NBPF4: variants seen among roughly 807,000 people sequenced by gnomAD.
NBPF4 encodes the protein NBPF family member NBPF4.
A neutral mutation model predicts 21.1 loss-of-function variants in NBPF4; 11 were observed. The observed-to-expected ratio is 0.52, with a 90% CI of 0.33 to 0.86. The LOEUF (loss-of-function observed/expected upper bound fraction) is 0.86, where lower values mean the gene tolerates loss of function less well. Among genes scored for constraint, NBPF4 ranks in the 40% least tolerant of loss-of-function variants. The pLI is 0.03. For missense variants in NBPF4, 88 were observed against 265.3 expected (o/e 0.33, Z 4.64); for synonymous variants, 47 against 106.4 (o/e 0.44, Z 3.43).
chr1:108,233,463 GCAAA>G (rs1649630597), intron 10 of NBPF4, among the ~76,000 whole-genome samples: 1 of 39,254 alleles, frequency 2.5e-5, no homozygotes, highest in African/African-American at 7.3e-5. Flanking sequence ...CTGATTTTGT[GCAAA>G]CAGTTATGCA....
chr1:108,222,663 G>T lies in NBPF4; in HGVS notation c.*1042C>A, dbSNP rs1423611826. On this transcript the variant is annotated 3_prime_UTR_variant, in exon 15 of 15. Transcript: ENST00000415641. ...GGGAATGATCTTTTTTACAAAGAAT[G>T]CCAGCAAAAGCAAGTATAAGGTAAG... Among the ~76,000 whole-genome samples, 1 of 152,140 alleles carries T rather than the reference G, an allele frequency of 6.6e-6. No homozygotes were observed. Among genetic ancestry groups the T allele is most frequent in the Non-Finnish European group, 1.5e-5 (1 of 68,020 alleles).
chr1:108,259,715 A>G, the NBPF4 span, among the ~76,000 whole-genome samples: 1 of 150,250 alleles, frequency 6.7e-6, no homozygotes, highest in Non-Finnish European at 1.5e-5. Context: ...TTCTTTTTTA[A>G]AAAAGATGAT....
the NBPF4 span, among the ~76,000 whole-genome samples, chr1:108,266,250 G>T: frequency 6.3e-5 from 9 of 143,188 alleles, no homozygotes; most frequent in African/African-American, 1.1e-4. Context: ...TGATATGGGG[G>T]ATTCATGTAC....
intron 13 of NBPF4, 90 bp downstream of exon 13, chr1:108,228,830 A>G: frequency 3.9e-6 from 3 of 777,950 alleles, no homozygotes; most frequent in Non-Finnish European, 6.4e-6. Context: ...CTGAGGAAGC[A>G]TGGGAGGCCC....
At chr1:108,234,841 C>T (rs1201331335) in intron 9 of NBPF4, among the ~76,000 whole-genome samples, 1 of 106,608 alleles carries the variant, frequency 9.4e-6, no homozygotes, top group Non-Finnish European at 1.8e-5. Flanking sequence ...AGTCCTCTTT[C>T]TCTCAATATT....
At chr1:108,223,971 CCCCACCTATG>C (rs1649397453) in intron 14 of NBPF4, among the ~76,000 whole-genome samples, 1 of 147,986 alleles carries the variant, frequency 6.8e-6, no homozygotes, top group African/African-American at 2.5e-5. Context: ...GATATAAGGA[CCCCACCTATG>C]CCCAACCAGC....
chr1:108,258,489 C>A, the NBPF4 span, among the ~76,000 whole-genome samples: 1 of 140,300 alleles, frequency 7.1e-6, no homozygotes, highest in Non-Finnish European at 1.5e-5. Flanking sequence ...CTGCTAGAAA[C>A]AAATGCTTTT....
Position 108,223,000 on chromosome 1 carries a change from G to A in NBPF4, c.*705C>T, listed in dbSNP as rs1190238972. On this transcript the variant is annotated 3_prime_UTR_variant, in exon 15 of 15. Transcript: ENST00000415641. ...GACTCTGCAGAGTTCCTGGCAAAATGTTTAGGCTGAATTTAATCATGACGA... is the reference window on the plus strand; with the variant it reads ...GACTCTGCAGAGTTCCTGGCAAAATATTTAGGCTGAATTTAATCATGACGA... 2.0e-5 allele frequency among the ~76,000 whole-genome samples: 3 copies of A among 152,078 alleles called. No individual in the cohort carries two copies. Among genetic ancestry groups the A allele is most frequent in the Non-Finnish European group, 4.4e-5 (3 of 68,030 alleles).
chr1:108,257,762 C>CT, the NBPF4 span, among the ~76,000 whole-genome samples: 11,409 of 55,192 alleles, frequency 0.21, 1,589 homozygotes, highest in Non-Finnish European at 0.26. Flanking sequence ...CTTTTCTTTT[C>CT]TTTTTTTTTT....
Position 108,229,084 on chromosome 1 carries a change from A to T in NBPF4, c.1496T>A (p.Val499Asp), listed in dbSNP as rs1277647255. 2 of 1,551,126 alleles carry T rather than the reference A, an allele frequency of 1.3e-6. No homozygotes were observed. Among genetic ancestry groups the T allele is most frequent in the Non-Finnish European group, 1.7e-6 (2 of 1,146,532 alleles). The change falls in exon 13 of 15, where the codon GTT (valine) becomes GAT (aspartate). Residue 499 changes from valine to aspartate, a missense_variant. Physicochemically the swap from Val to Asp is radical, Grantham distance 152. Coordinates refer to ENST00000415641, the MANE Select transcript of NBPF4 (RefSeq NM_001143989.3). ...GCTTGGTTCCAGCTGTGCCTGTGAA[A>T]CTTGCACCTCTGACTGGTGGTGGCT... ...DLSHHQSEVQ[V>D]SQAQLEPSTL...
At chr1:108,225,138 A>G (rs1179533815) in intron 14 of NBPF4, among the ~76,000 whole-genome samples, 2 of 132,262 alleles carry the variant, frequency 1.5e-5, no homozygotes, top group African/African-American at 5.4e-5. Context: ...TGTTAATATC[A>G]TGACTATTTC....
rs1649574762 is a variant in NBPF4 at position 108,229,046 on chromosome 1, T to C, written c.1534A>G (p.Ser512Gly). 1.3e-6 allele frequency: 2 copies of C among 1,550,798 alleles called. No homozygotes were observed. Among genetic ancestry groups the C allele is most frequent in the Non-Finnish European group, 1.7e-6 (2 of 1,146,426 alleles). Residue 512 changes from serine (S) to glycine (G), a missense_variant, in exon 13 of 15, where the codon AGT becomes GGT. Physicochemically the swap from Ser to Gly is moderately conservative, Grantham distance 56 (BLOSUM62 0). Coordinates refer to ENST00000415641, the MANE Select transcript of NBPF4 (RefSeq NM_001143989.3). ...AQLEPSTLVP[S>G]CLRLQLDQGF... ...TGATCCAGCTGTAGTCGCAGACAAC[T>C]GGGCACCAGGGTGCTTGGTTCCAGC...
At position 108,229,142 on chromosome 1, in the gene NBPF4, C is replaced by T. The variant is rs1331312513; in HGVS notation, c.1438G>A (p.Ala480Thr). The T allele has an allele frequency of 2.6e-6, 4 of 1,550,666 alleles. No homozygotes were observed. In the East Asian group the frequency reaches 9.8e-5, roughly 38 times the overall value. Residue 480 changes from alanine (A) to threonine (T), a missense_variant, in exon 13 of 15, where the codon GCC becomes ACC. Physicochemically the swap from Ala to Thr is moderately conservative, Grantham distance 58 (BLOSUM62 0). Coordinates refer to ENST00000415641, the MANE Select transcript of NBPF4 (RefSeq NM_001143989.3). The part of the protein sequence containing the change: ...ALDVASPTEA[A>T]CPQGTWSGDL... Reference sequence around the variant, plus strand: ...CCACTCCAAGTCCCTTGGGGACAGGCCGCCTCGGTGGGGGCTGAAAGGAGA... The same window carrying T: ...CCACTCCAAGTCCCTTGGGGACAGGTCGCCTCGGTGGGGGCTGAAAGGAGA...
At chr1:108,244,941 T>C (rs1158081824), upstream of NBPF4, among the ~76,000 whole-genome samples, 1 of 37,160 alleles carries the variant, frequency 2.7e-5, no homozygotes, top group South Asian at 1.5e-3. Context: ...TATATATATA[T>C]ATATATACAC....
chr1:108,266,241 G>A, the NBPF4 span, among the ~76,000 whole-genome samples: 4 of 143,820 alleles, frequency 2.8e-5, no homozygotes, highest in Non-Finnish European at 4.5e-5. Flanking sequence ...AATCAGAAAT[G>A]ATATGGGGGA....
the NBPF4 span, among the ~76,000 whole-genome samples, chr1:108,266,095 G>A: frequency 7.3e-6 from 1 of 136,308 alleles, no homozygotes. Flanking sequence ...GAAACTGAAG[G>A]AGATAGAAAC....
At chr1:108,257,737 T>TA in the NBPF4 span, among the ~76,000 whole-genome samples, 1 of 138,836 alleles carries the variant, frequency 7.2e-6, no homozygotes, top group South Asian at 2.3e-4. Context: ...GTTCCTATTT[T>TA]ATCAATCTTT....
At chr1:108,247,777 C>T (rs1649883052), upstream of NBPF4, among the ~76,000 whole-genome samples, 1 of 148,716 alleles carries the variant, frequency 6.7e-6, no homozygotes, top group African/African-American at 2.5e-5. Flanking sequence ...AATACATTTC[C>T]TCACAACATG....
upstream of NBPF4, among the ~76,000 whole-genome samples, chr1:108,245,966 T>C (rs1201044969): frequency 8.7e-6 from 1 of 114,318 alleles, no homozygotes; most frequent in Non-Finnish European, 1.8e-5. Context: ...CACTGGAACT[T>C]TGGAATATAC....
Sources: gnomAD v4.1 joint callset for allele counts (sites outside exome capture counted in the v4.1 genomes callset) on GRCh38, gnomAD v4.1.1 for gene constraint, MANE v1.5 for transcripts, NCBI Gene and HGNC (gene_info 2026-07-23, HGNC 2026-07-21) for gene names.